SLC20A2: variants seen among roughly 807,000 people sequenced by gnomAD.
SLC20A2 encodes the protein solute carrier family 20 member 2.
In SLC20A2, 30 loss-of-function variants were observed where a neutral mutation model predicts 61.0. The ratio of observed to expected loss-of-function variants is 0.49; its 90% CI spans 0.37 to 0.67. The LOEUF (loss-of-function observed/expected upper bound fraction) is 0.67, where lower values mean the gene tolerates loss of function less well. Ranked by LOEUF, SLC20A2 falls within the 30% of genes least tolerant of loss-of-function variation. SLC20A2 has a pLI of 0.00. For synonymous variants in SLC20A2, 351 were observed against 353.3 expected (o/e 0.99, Z 0.07); for missense variants, 626 against 866.4 (o/e 0.72, Z 3.48).
intron 5 of SLC20A2, among the ~76,000 whole-genome samples, chr8:42,453,047 C>T (rs1586079241): frequency 1.3e-5 from 2 of 152,240 alleles, no homozygotes; most frequent in South Asian, 2.1e-4. Context: ...GGCTGGGCCT[C>T]GGAATCTGCA....
chr8:42,423,671 T>C (rs1803195500), intron 10 of SLC20A2, among the ~76,000 whole-genome samples: 1 of 152,262 alleles, frequency 6.6e-6, no homozygotes, highest in Admixed American at 6.5e-5. Context: ...ACTTTTTCTA[T>C]ACTTCATTTA....
chr8:42,529,103 T>C (rs988249064), intron 1 of SLC20A2, among the ~76,000 whole-genome samples: 2 of 152,094 alleles, frequency 1.3e-5, no homozygotes, highest in Non-Finnish European at 2.9e-5. Flanking sequence ...CTTTCCCAAG[T>C]AGATGGGACT....
chr8:42,466,751 C>T (rs952218763), intron 2 of SLC20A2, among the ~76,000 whole-genome samples: 1 of 152,104 alleles, frequency 6.6e-6, no homozygotes, highest in Non-Finnish European at 1.5e-5. Flanking sequence ...TCACTGCAGC[C>T]TTAAACTCCT....
At chr8:42,513,418 G>A (rs750031399) in intron 1 of SLC20A2, among the ~76,000 whole-genome samples, 7 of 152,172 alleles carry the variant, frequency 4.6e-5, no homozygotes. Flanking sequence ...GACAGTCAAT[G>A]TTTGGGGGTA....
chr8:42,496,241 G>T (rs1809918125), intron 1 of SLC20A2, among the ~76,000 whole-genome samples: 1 of 152,190 alleles, frequency 6.6e-6, no homozygotes, highest in Non-Finnish European at 1.5e-5. Flanking sequence ...CATGTCCTCA[G>T]AGAGCCCTTT....
intron 5 of SLC20A2, among the ~76,000 whole-genome samples, chr8:42,450,562 C>T (rs187684292): frequency 3.3e-5 from 5 of 149,478 alleles, no homozygotes; most frequent in African/African-American, 7.4e-5. Flanking sequence ...CTCGCTCTGT[C>T]GCCCAGGCTG....
chr8:42,435,237 G>A (rs973219217), intron 8 of SLC20A2, among the ~76,000 whole-genome samples: 10 of 152,174 alleles, frequency 6.6e-5, no homozygotes, highest in Admixed American at 5.9e-4. Context: ...CATCTGCAGC[G>A]AGACTTCTTT....
chr8:42,472,646 T>C lies in SLC20A2; in HGVS notation c.-256A>G, dbSNP rs1807734276. 1 of 437,036 alleles carries C rather than the reference T, an allele frequency of 2.3e-6. No individual in the cohort carries two copies. The highest frequency in any genetic ancestry group is 2.0e-5 in the African/African-American group (1 of 50,640). 27.1% of individuals were successfully genotyped at this position (437,036 alleles called of 1,614,324 possible). On this transcript the variant is annotated 5_prime_UTR_variant, in exon 2 of 11. Transcript: ENST00000520262. The surrounding 1 kb of genome is among the most constrained non-coding windows in gnomAD (Gnocchi z 4.1). ...TCCTCCCGATCTGGGAAAGCTGTGA[T>C]GTCTCCTCCTGTAGCAGAAAGGAAA...
Position 42,437,005 on chromosome 8 carries a change from C to T in SLC20A2, c.1507G>A (p.Gly503Ser). Reference protein sequence around the residue: ...LTACFGSFAHGGNDVSNAIGP... With the variant: ...LTACFGSFAHSGNDVSNAIGP... ...AGCACCCACCTCACGTCATTGCCGC[C>T]GTGAGCAAAGGACCCGAAACAGGCG... is the stretch of plus-strand genomic sequence containing the variant. Residue 503 changes from glycine to serine, a missense_variant, in exon 8 of 11, where the codon GGC (glycine) becomes AGC (serine). This residue lies in a region of SLC20A2 where 138 missense variants were observed against 228.7 expected (regional missense o/e 0.60). Transcript: ENST00000520262. This position sits in a 1 kb window ranked among gnomAD's most constrained non-coding sequence, Gnocchi z 6.4. 1.9e-6 allele frequency: 3 copies of T among 1,606,018 alleles called. No individual in the cohort carries two copies. Among genetic ancestry groups the T allele is most frequent in the Non-Finnish European group, 1.7e-6 (2 of 1,175,724 alleles).
intron 1 of SLC20A2, chr8:42,541,368 G>C (rs1813133802): frequency 6.8e-6 from 1 of 147,838 alleles, no homozygotes; most frequent in Non-Finnish European, 1.5e-5. Flanking sequence ...CCCGGGAGTC[G>C]GGCCGGGGGC....
chr8:42,498,274 T>C (rs1586210515), intron 1 of SLC20A2, among the ~76,000 whole-genome samples: 1 of 152,066 alleles, frequency 6.6e-6, no homozygotes, highest in South Asian at 2.1e-4. Context: ...GCTTCTGGGG[T>C]CAGTCTTGTC....
chr8:42,456,776 G>A (rs1362305687), intron 5 of SLC20A2, among the ~76,000 whole-genome samples: 2 of 149,276 alleles, frequency 1.3e-5, no homozygotes, highest in African/African-American at 2.5e-5. Context: ...GATATCTCCC[G>A]TTACAGAGTT....
chr8:42,451,678 TGAA>T (rs1318822397), intron 5 of SLC20A2, among the ~76,000 whole-genome samples: 4 of 64,292 alleles, frequency 6.2e-5, no homozygotes, highest in Admixed American at 4.7e-4. Context: ...GAGGAAGAGA[TGAA>T]GAGGAGGGGG....
intron 1 of SLC20A2, chr8:42,538,134 T>C (rs750253718): frequency 9.9e-5 from 15 of 151,972 alleles, no homozygotes; most frequent in Non-Finnish European, 1.6e-4. Context: ...AACTAAAATA[T>C]AACCTACCAT....
At chr8:42,426,723 CA>C (rs1312074066) in intron 10 of SLC20A2, among the ~76,000 whole-genome samples, 8 of 151,276 alleles carry the variant, frequency 5.3e-5, no homozygotes, top group Non-Finnish European at 1.2e-4. Context: ...CAAAACAAAA[CA>C]AAAAAAAGCT....
intron 10 of SLC20A2, among the ~76,000 whole-genome samples, chr8:42,420,695 G>A (rs894719938): frequency 6.6e-6 from 1 of 152,004 alleles, no homozygotes; most frequent in Non-Finnish European, 1.5e-5. Context: ...AAAAATTATT[G>A]TGGTAAGATA....
intron 1 of SLC20A2, among the ~76,000 whole-genome samples, chr8:42,488,387 AG>A (rs756807387): frequency 6.6e-6 from 1 of 151,692 alleles, no homozygotes; most frequent in Non-Finnish European, 1.5e-5. Flanking sequence ...ACGGGGTTTC[AG>A]CATGTTGGTC....
chr8:42,429,788 TCTC>T (rs1324236410), intron 9 of SLC20A2, among the ~76,000 whole-genome samples: 1 of 152,074 alleles, frequency 6.6e-6, no homozygotes. Flanking sequence ...AGGGTGAGCT[TCTC>T]CTCTCTTCCC....
At chr8:42,482,322 CTCTT>C (rs2131277051) in intron 1 of SLC20A2, among the ~76,000 whole-genome samples, 1 of 152,238 alleles carries the variant, frequency 6.6e-6, no homozygotes, top group East Asian at 1.9e-4. Flanking sequence ...ATATCAGCCT[CTCTT>C]TATCTAATTT....
Sources: gnomAD v4.1 joint callset for allele counts (sites outside exome capture counted in the v4.1 genomes callset) on GRCh38, gnomAD v4.1.1 for gene constraint, gnomAD v4.1.1 regional missense constraint, Gnocchi (gnomAD v3.1) non-coding constraint, MANE v1.5 for transcripts, NCBI Gene and HGNC (gene_info 2026-07-23, HGNC 2026-07-21) for gene names.